RELCH: variants seen among roughly 807,000 people sequenced by gnomAD.
RELCH encodes RAB11 binding and LisH domain, coiled-coil and HEAT repeat containing.
Under a neutral mutation model 150.3 loss-of-function variants are expected in RELCH, and 41 were observed. The ratio of observed to expected loss-of-function variants is 0.27; its 90% CI spans 0.21 to 0.35. RELCH has a LOEUF of 0.35. Ranked by LOEUF, RELCH falls within the 10% of genes least tolerant of loss-of-function variation. The pLI is 1.00. For missense variants in RELCH, 1,092 were observed against 1,467.8 expected, an observed-to-expected ratio of 0.74 and a Z score of 4.18; for synonymous variants, 478 against 531.8, an observed-to-expected ratio of 0.90 and a Z score of 1.39.
chr18:62,269,547 A>C lies in RELCH; in HGVS notation c.2760+599A>C, dbSNP rs1180402816. 3 of 240,928 alleles carry C rather than the reference A, an allele frequency of 1.2e-5. No individual in the cohort carries two copies. In the South Asian group the frequency reaches 1.2e-4, roughly 10 times the overall value. The allele number at this position is 240,928 out of a possible 1,614,324, so 14.9% of individuals were successfully genotyped here. A position where few individuals can be genotyped will look rare whatever the true frequency, so the allele number is the denominator to read the frequency against. On this transcript the variant is annotated intron_variant, in intron 20 of 28. Transcript: ENST00000644646. ...TACAATATTTTAAATAATTTTGTGC[A>C]TGAAACAGTTTGTGTACATTGAACC...
rs1208362348 is a variant in RELCH, at chr18:62,280,685, T to C, written c.3090T>C (p.Ile1030=). 1 of 1,609,866 alleles carries C rather than the reference T, an allele frequency of 6.2e-7. No individual in the cohort carries two copies. Among genetic ancestry groups the C allele is most frequent in the South Asian group, 1.1e-5 (1 of 90,960 alleles). Residue 1030 remains isoleucine, a synonymous_variant, in exon 24 of 29, where the codon ATT becomes ATC. Coordinates refer to ENST00000644646, the MANE Select transcript of RELCH (RefSeq NM_001346231.2). ...RIATIPAFGT[I]METVIQRELL... ...CCACAATTCCAGCCTTTGGCACTAT[T>C]ATGGAAACAGTAATTCAAAGAGAGG...
At chr18:62,233,759 CT>C (rs1007156916) in intron 10 of RELCH, among the ~76,000 whole-genome samples, 4 of 151,772 alleles carry the variant, frequency 2.6e-5, no homozygotes, top group African/African-American at 9.7e-5. Flanking sequence ...TTAATATCAT[CT>C]TTAGAGTGTT....
At chr18:62,244,237 C>T (rs565924633) in intron 10 of RELCH, among the ~76,000 whole-genome samples, 98 of 152,196 alleles carry the variant, frequency 6.4e-4, no homozygotes, top group Non-Finnish European at 1.0e-3. Context: ...GATACTGAGA[C>T]AATTCAACAT....
Position 62,216,574 on chromosome 18 carries a change from A to G in RELCH, c.617-4463A>G, listed in dbSNP as rs979969306. 2.9e-4 allele frequency among the ~76,000 whole-genome samples: 44 copies of G among 152,118 alleles called. 1 individual carries two copies. Among genetic ancestry groups the G allele is most frequent in the Non-Finnish European group, 7.4e-5 (5 of 67,968 alleles). The stretch of plus-strand genomic sequence containing the variant: ...AGATTTATCACATGTCACATCAAGT[A>G]TCGGAATGTCCATTCATACTCAGCA... On this transcript the variant is annotated intron_variant, in intron 2 of 28. Coordinates refer to ENST00000644646, the MANE Select transcript of RELCH (RefSeq NM_001346231.2).
chr18:62,304,283 G>T (rs1471119358), intron 28 of RELCH, among the ~76,000 whole-genome samples: 1 of 152,184 alleles, frequency 6.6e-6, no homozygotes, highest in Non-Finnish European at 1.5e-5. Context: ...AGATTACTTT[G>T]TGGGAAGAGA....
At chr18:62,295,851 G>A (rs891722343) in intron 27 of RELCH, among the ~76,000 whole-genome samples, 1 of 152,176 alleles carries the variant, frequency 6.6e-6, no homozygotes, top group African/African-American at 2.4e-5. Flanking sequence ...GGGATTACAG[G>A]CTTGAGCCAC....
chr18:62,242,527 C>G (rs1464858630), intron 10 of RELCH, among the ~76,000 whole-genome samples: 1 of 152,128 alleles, frequency 6.6e-6, no homozygotes, highest in Admixed American at 6.5e-5. Context: ...ACGTGTTTCA[C>G]TTGAAGAAAC....
intron 1 of RELCH, among the ~76,000 whole-genome samples, chr18:62,190,227 C>T (rs914830649): frequency 1.3e-5 from 2 of 152,200 alleles, no homozygotes; most frequent in Admixed American, 1.3e-4. Flanking sequence ...AAAATTTACA[C>T]GTTTTAAGTG....
intron 11 of RELCH, among the ~76,000 whole-genome samples, chr18:62,248,698 T>C (rs2042548790): frequency 1.3e-5 from 2 of 152,204 alleles, no homozygotes; most frequent in Non-Finnish European, 2.9e-5. Flanking sequence ...AAATAAAATA[T>C]TTAATATATG....
chr18:62,261,797 A>T (rs1600131878), intron 16 of RELCH, 139 bp downstream of exon 16: 1 of 658,142 alleles, frequency 1.5e-6, no homozygotes, highest in Non-Finnish European at 2.5e-6. Flanking sequence ...GTAGAATCTC[A>T]TGGTCATAAG....
chr18:62,188,145 A>G, intron 1 of RELCH, 114 bp downstream of exon 1: 3 of 1,244,726 alleles, frequency 2.4e-6, no homozygotes, highest in Non-Finnish European at 3.2e-6. Flanking sequence ...TTAAGGAACG[A>G]GAGTATTGGG....
chr18:62,230,843 T>C (rs960732190), intron 8 of RELCH, among the ~76,000 whole-genome samples: 3 of 152,084 alleles, frequency 2.0e-5, no homozygotes, highest in African/African-American at 7.2e-5. Flanking sequence ...TCTGGGACCA[T>C]AGAGAATTGG....
intron 2 of RELCH, among the ~76,000 whole-genome samples, chr18:62,214,346 C>T (rs540543148): frequency 2.0e-5 from 3 of 152,214 alleles, no homozygotes; most frequent in Admixed American, 2.0e-4. Flanking sequence ...TGACTCTTTG[C>T]TTTTACTTGA....
chr18:62,271,728 G>A (rs55675859), intron 20 of RELCH, among the ~76,000 whole-genome samples: 24,712 of 152,068 alleles, frequency 0.16, 2,694 homozygotes, highest in Middle Eastern at 0.28. Context: ...TAGGTCTAAC[G>A]TTTAAGTGTT....
intron 15 of RELCH, among the ~76,000 whole-genome samples, chr18:62,259,065 A>T (rs1321274322): frequency 2.6e-5 from 4 of 150,990 alleles, no homozygotes; most frequent in Non-Finnish European, 5.9e-5. Flanking sequence ...AATTGCTTTA[A>T]CTGTGGTTAT....
intron 21 of RELCH, among the ~76,000 whole-genome samples, chr18:62,274,920 T>C (rs558444583): frequency 6.6e-6 from 1 of 152,184 alleles, no homozygotes; most frequent in Non-Finnish European, 1.5e-5. Context: ...CTTAGTTGTT[T>C]GTTTCTATGT....
At chr18:62,226,328 C>G (rs903639485) in intron 5 of RELCH, among the ~76,000 whole-genome samples, 1 of 152,014 alleles carries the variant, frequency 6.6e-6, no homozygotes, top group African/African-American at 2.4e-5. Flanking sequence ...TTTAATAAAA[C>G]TGTTGCAGTT....
At chr18:62,239,921 C>G (rs965080185) in intron 10 of RELCH, among the ~76,000 whole-genome samples, 1 of 151,928 alleles carries the variant, frequency 6.6e-6, no homozygotes, top group Non-Finnish European at 1.5e-5. Flanking sequence ...TGTATCTTCG[C>G]TTATCAGTAC....
intron 19 of RELCH, chr18:62,268,600 G>C (rs113023962): frequency 1.8e-4 from 35 of 196,736 alleles, no homozygotes; most frequent in African/African-American, 7.9e-4. Flanking sequence ...AGAAAGTTCT[G>C]ATTTCCAATT....
Sources: gnomAD v4.1 joint callset for allele counts (sites outside exome capture counted in the v4.1 genomes callset) on GRCh38, gnomAD v4.1.1 for gene constraint, MANE v1.5 for transcripts, NCBI Gene and HGNC (gene_info 2026-07-23, HGNC 2026-07-21) for gene names.